LPP: variants seen among roughly 807,000 people sequenced by gnomAD.
The protein encoded by LPP is LIM domain containing preferred translocation partner in lipoma.
LPP carries 38 observed loss-of-function variants against 60.4 expected under a neutral mutation model. That is an observed-to-expected ratio of 0.63 (90% CI 0.49 to 0.83). The LOEUF is 0.83. Among genes scored for constraint, LPP ranks in the 40% least tolerant of loss-of-function variants. The probability of loss-of-function intolerance (pLI) is 0.00; values close to 1 mark genes in which losing one functional copy is unlikely to be tolerated. For synonymous variants in LPP, 328 were observed against 290.8 expected, an observed-to-expected ratio of 1.13 and a Z score of -1.30; for missense variants, 902 against 783.6, an observed-to-expected ratio of 1.15 and a Z score of -1.80.
chr3:188,572,942 A>T lies in LPP; in HGVS notation c.430-36219A>T, dbSNP rs1454938618. Among the ~76,000 whole-genome samples the T allele has an allele frequency of 1.3e-5, 2 of 152,176 alleles. No homozygotes were observed. On this transcript the variant is annotated intron_variant, in intron 6 of 11. Transcript: ENST00000617246. The surrounding 1 kb of genome is among the most constrained non-coding windows in gnomAD (Gnocchi z 4.1). ...TTCCACACTTTGACCTGGATGTAAT[A>T]CATGTCACTTCTTATATAGCTCCTT...
At chr3:188,320,944 A>G (rs1209004792) in intron 2 of LPP, among the ~76,000 whole-genome samples, 1 of 152,230 alleles carries the variant, frequency 6.6e-6, no homozygotes, top group African/African-American at 2.4e-5. Flanking sequence ...CCCAGTGGCC[A>G]GTGTGAGTAA....
intron 9 of LPP, among the ~76,000 whole-genome samples, chr3:188,794,189 C>T (rs1483203167): frequency 2.0e-5 from 3 of 152,226 alleles, no homozygotes; most frequent in African/African-American, 7.2e-5. Context: ...ATTTTAGAAT[C>T]ACCAGGAGAA....
chr3:188,792,913 G>A (rs902661967), intron 9 of LPP, among the ~76,000 whole-genome samples: 6 of 152,082 alleles, frequency 3.9e-5, no homozygotes, highest in Non-Finnish European at 8.8e-5. Flanking sequence ...ACTGGTTTGC[G>A]TGAAGGAAGA....
intron 3 of LPP, among the ~76,000 whole-genome samples, chr3:188,405,748 A>G (rs144183367): frequency 2.1e-3 from 319 of 152,226 alleles, no homozygotes; most frequent in Non-Finnish European, 3.6e-3. Context: ...CTACCATAAA[A>G]TCTCCTTCAA....
At position 188,547,137 on chromosome 3, in the gene LPP, T is replaced by C. The variant is rs77752449; in HGVS notation, c.429+22350T>C. Among the ~76,000 whole-genome samples, 237 of 152,242 alleles carry C rather than the reference T, an allele frequency of 1.6e-3. 2 individuals carry two copies. Among genetic ancestry groups the C allele is most frequent in the African/African-American group, 5.5e-3 (230 of 41,544 alleles). ...ATTTAAGCATATATATTACAGGAAC[T>C]GGAAATGTTCAGCCCAGTTGGAGCT... is the stretch of plus-strand genomic sequence containing the variant. On this transcript the variant is annotated intron_variant, in intron 6 of 11. Transcript: ENST00000617246.
intron 2 of LPP, among the ~76,000 whole-genome samples, chr3:188,309,114 A>G (rs1436899704): frequency 1.4e-5 from 2 of 145,342 alleles, no homozygotes; most frequent in South Asian, 2.2e-4. Context: ...TCTGCCTCCC[A>G]GGTTCAAGCG....
At chr3:188,257,727 A>G (rs1732142794) in intron 2 of LPP, among the ~76,000 whole-genome samples, 1 of 152,236 alleles carries the variant, frequency 6.6e-6, no homozygotes, top group African/African-American at 2.4e-5. Context: ...CTGGGCACCC[A>G]GTCTGTGTAC....
rs10708836 is a variant in LPP at position 188,318,753 on chromosome 3, C to CTTTT, written c.-66-22890_-66-22887dup. On this transcript the variant is annotated intron_variant, in intron 2 of 11. Coordinates refer to ENST00000617246, the MANE Select transcript of LPP (RefSeq NM_001375462.1). ...AAAAAATTGAAAAAAAATTATGATT[C>CTTTT]TTTTTTTTTTTTTTTTTTTTTTTGA... Among the ~76,000 whole-genome samples the CTTTT allele has an allele frequency of 1.4e-3, 137 of 96,826 alleles. 2 individuals are homozygous for CTTTT. The highest frequency in any genetic ancestry group is 4.3e-3 in the African/African-American group (89 of 20,486). The allele number at this position is 96,826 out of a possible 152,430, so 63.5% of individuals were successfully genotyped here.
intron 8 of LPP, among the ~76,000 whole-genome samples, chr3:188,726,721 TG>T (rs1718533580): frequency 6.6e-6 from 1 of 152,212 alleles, no homozygotes; most frequent in Non-Finnish European, 1.5e-5. Flanking sequence ...TTCCATTTTT[TG>T]TTTGTTTGAT....
chr3:188,161,216 C>T (rs1711001), intron 1 of LPP, among the ~76,000 whole-genome samples: 70,599 of 151,740 alleles, frequency 0.47, 16,848 homozygotes, highest in East Asian at 0.68. Context: ...CTTGTTGGAT[C>T]TGTATTTCAA....
chr3:188,344,477 C>T (rs138785060), intron 3 of LPP, among the ~76,000 whole-genome samples: 168 of 152,276 alleles, frequency 1.1e-3, no homozygotes, highest in African/African-American at 3.9e-3. Flanking sequence ...GTCACCTAGG[C>T]AAGTCACCTT....
At chr3:188,528,280 G>A (rs1006328958) in intron 6 of LPP, among the ~76,000 whole-genome samples, 4 of 152,034 alleles carry the variant, frequency 2.6e-5, no homozygotes, top group African/African-American at 9.7e-5. Flanking sequence ...ACCCACTTCG[G>A]CCTTCCAAAG....
At chr3:188,562,734 C>T (rs1041259390) in intron 6 of LPP, among the ~76,000 whole-genome samples, 1 of 152,080 alleles carries the variant, frequency 6.6e-6, no homozygotes, top group Non-Finnish European at 1.5e-5. Context: ...GAACTGAACC[C>T]ACTCATTTTA....
intron 7 of LPP, among the ~76,000 whole-genome samples, chr3:188,658,929 G>A (rs1233502061): frequency 6.6e-6 from 1 of 152,142 alleles, no homozygotes; most frequent in Non-Finnish European, 1.5e-5. Flanking sequence ...CAACACTTAG[G>A]TTTAAAAGCT....
chr3:188,667,411 G>C (rs1856023360), intron 7 of LPP, among the ~76,000 whole-genome samples: 1 of 151,484 alleles, frequency 6.6e-6, no homozygotes. Context: ...CCCAGAGGTG[G>C]AGCTTGCAGT....
chr3:188,841,537 G>A (rs957131571), intron 9 of LPP, among the ~76,000 whole-genome samples: 1 of 151,760 alleles, frequency 6.6e-6, no homozygotes. Context: ...GATTACAGGT[G>A]TGCAACACCA....
At chr3:188,254,928 G>C (rs1027331960) in intron 2 of LPP, among the ~76,000 whole-genome samples, 1 of 152,122 alleles carries the variant, frequency 6.6e-6, no homozygotes, top group Non-Finnish European at 1.5e-5. Flanking sequence ...TCCTTTCTCT[G>C]TGTAGTACTG....
At chr3:188,170,671 C>T (rs1419884437) in intron 1 of LPP, among the ~76,000 whole-genome samples, 1 of 152,060 alleles carries the variant, frequency 6.6e-6, no homozygotes, top group Non-Finnish European at 1.5e-5. Context: ...TCATTCTAGT[C>T]AGTCTAGTTT....
chr3:188,509,871 T>TC (rs369528323), intron 5 of LPP, among the ~76,000 whole-genome samples: 17 of 75,460 alleles, frequency 2.3e-4, no homozygotes, highest in Middle Eastern at 0.014. Flanking sequence ...TTTTTTTTTG[T>TC]TGTTTTTTTT....
Sources: allele counts gnomAD v4.1 joint callset (sites outside exome capture counted in the v4.1 genomes callset), GRCh38; gene constraint gnomAD v4.1.1; non-coding constraint Gnocchi (gnomAD v3.1); transcripts MANE v1.5; gene names NCBI Gene and HGNC (gene_info 2026-07-23, HGNC 2026-07-21).